The following MAZ variants were observed in gnomAD, a reference collection of about 807,000 sequenced individuals.
MAZ encodes the protein myc-associated zinc finger protein.
In MAZ, 4 loss-of-function variants were observed where a neutral mutation model predicts 32.7. The observed-to-expected ratio is 0.12, with a 90% CI of 0.06 to 0.28. The LOEUF (loss-of-function observed/expected upper bound fraction) is 0.28. Among genes scored for constraint, MAZ ranks in the 10% least tolerant of loss-of-function variants. MAZ has a pLI of 1.00. For missense variants in MAZ, 763 were observed against 667.2 expected (o/e 1.14, Z -1.58); for synonymous variants, 510 against 297.6 (o/e 1.71, Z -7.35).
intron 4 of MAZ, chr16:29,809,835 A>G: frequency 1.0e-6 from 1 of 959,318 alleles, no homozygotes; most frequent in Non-Finnish European, 1.5e-6. Flanking sequence ...AGGGCCCAAT[A>G]GGGGATCTCA....
intron 3 of MAZ, 54 bp downstream of exon 3, chr16:29,808,347 A>G (rs1371805743): frequency 1.9e-6 from 3 of 1,544,048 alleles, no homozygotes; most frequent in Admixed American, 1.7e-5. Flanking sequence ...TCCTCATGGT[A>G]GCTGTCTGAG....
At position 29,807,596 on chromosome 16, in the gene MAZ, T is replaced by A. The variant is rs1489344722; in HGVS notation, c.811T>A (p.Ser271Thr). The A allele has an allele frequency of 6.2e-7, 1 of 1,611,400 alleles. No individual in the cohort carries two copies. Among genetic ancestry groups the A allele is most frequent in the East Asian group, 2.2e-5 (1 of 44,762 alleles). ...CGGTGGCGTGGTGACCACGACCGCC[T>A]CGGGGAAGCGCATCCGGAAGAACCA... ...AAGGVVTTTA[S>T]GKRIRKNHAC... is the part of the protein sequence containing the mutation. The change falls in exon 2 of 5, where the codon TCG (serine) becomes ACG (threonine). Residue 271 changes from serine to threonine, a missense_variant. By Grantham distance (58) the Ser-to-Thr change is moderately conservative (BLOSUM62 1). Transcript: ENST00000322945.
chr16:29,807,000 C>A lies in MAZ; in HGVS notation c.215C>A (p.Thr72Lys). 9.9e-7 allele frequency: 1 copy of A among 1,008,188 alleles called. No individual in the cohort carries two copies. Among genetic ancestry groups the A allele is most frequent in the Non-Finnish European group, 1.2e-6 (1 of 847,612 alleles). The allele number at this position is 1,008,188 out of a possible 1,614,324, so 62.5% of individuals were successfully genotyped here. A position where few individuals can be genotyped will look rare whatever the true frequency, so the allele number is the denominator to read the frequency against. The change falls in exon 2 of 5, where the codon ACG becomes AAG. Residue 72 changes from threonine to lysine, a missense_variant. Coordinates refer to ENST00000322945, the MANE Select transcript of MAZ (RefSeq NM_002383.4). ...PFQAAPAPPP[T>K]PQAPAAEPLQ... is the part of the protein sequence containing the mutation. ...CAGGCCGCGCCGGCGCCCCCGCCCA[C>A]GCCCCAGGCCCCGGCGGCCGAGCCC...
Position 29,806,904 on chromosome 16 carries a change from C to A in MAZ, c.192+11C>A. On this transcript the variant is annotated intron_variant, in intron 1 of 4. Transcript: ENST00000322945. Reference sequence around the variant, plus strand: ...CAGAGTCCATTCCAGGTGAGTAGGGCCGGCCGCGGCGGCCCGGGCTGGGGG... The same window carrying A: ...CAGAGTCCATTCCAGGTGAGTAGGGACGGCCGCGGCGGCCCGGGCTGGGGG... The A allele has an allele frequency of 2.3e-6, 3 of 1,317,750 alleles. No homozygotes were observed. The highest frequency in any genetic ancestry group is 2.9e-6 in the Non-Finnish European group (3 of 1,022,950). The allele number at this position is 1,317,750 out of a possible 1,614,324, so 81.6% of individuals were successfully genotyped here. A position where few individuals can be genotyped will look rare whatever the true frequency, so the allele number is the denominator to read the frequency against.
chr16:29,809,056 C>T (rs890516868), intron 4 of MAZ: 5 of 531,568 alleles, frequency 9.4e-6, no homozygotes, highest in African/African-American at 5.8e-5. Flanking sequence ...GCAAGGTTTC[C>T]GCTGCGCAGC....
chr16:29,810,596 C>G lies in MAZ; in HGVS notation c.*365C>G. 1.5e-6 allele frequency: 1 copy of G among 683,468 alleles called. No individual in the cohort carries two copies. Among genetic ancestry groups the G allele is most frequent in the Non-Finnish European group, 2.7e-6 (1 of 373,156 alleles). The allele number at this position is 683,468 out of a possible 1,614,324, so 42.3% of individuals were successfully genotyped here. ...AGCCTCTTCCCTCGACGGTCCTCTT[C>G]TCTCCTTCCAGTCCTCTCCCCCTGC... is the stretch of plus-strand genomic sequence containing the variant. On this transcript the variant is annotated 3_prime_UTR_variant, in exon 5 of 5. Transcript: ENST00000322945.
chr16:29,806,971 T>G lies in MAZ; in HGVS notation c.193-7T>G, dbSNP rs1899516850. 2 of 1,039,264 alleles carry G rather than the reference T, an allele frequency of 1.9e-6. No individual in the cohort carries two copies. The highest frequency in any genetic ancestry group is 2.3e-6 in the Non-Finnish European group (2 of 869,050). The allele number at this position is 1,039,264 out of a possible 1,614,324, so 64.4% of individuals were successfully genotyped here. A position where few individuals can be genotyped will look rare whatever the true frequency, so the allele number is the denominator to read the frequency against. Reference sequence around the variant, plus strand: ...CCCGCGGCCCACTCGGCGCCTTGTCTCCGCAGGCCGCGCCGGCGCCCCCGC... The same window carrying G: ...CCCGCGGCCCACTCGGCGCCTTGTCGCCGCAGGCCGCGCCGGCGCCCCCGC... On this transcript the variant is annotated splice_polypyrimidine_tract_variant and splice_region_variant and intron_variant, in intron 1 of 4. Coordinates refer to ENST00000322945, the MANE Select transcript of MAZ (RefSeq NM_002383.4).
rs776384645 is a variant in MAZ at position 29,810,176 on chromosome 16, C to CG, written c.1384dup (p.Ala462GlyfsTer70). The CG allele has an allele frequency of 6.2e-7, 1 of 1,609,538 alleles. No homozygotes were observed. Among genetic ancestry groups the CG allele is most frequent in the South Asian group, 1.1e-5 (1 of 90,838 alleles). ...CCTCCCACAGCTGTGGGCTCCCTCT[C>CG]GGGGGCGGAGGGGGTGCCTGTGAGC... is the stretch of plus-strand genomic sequence containing the variant. On this transcript the variant is annotated frameshift_variant, in exon 5 of 5. Coordinates refer to ENST00000322945, the MANE Select transcript of MAZ (RefSeq NM_002383.4). LOFTEE classifies it high-confidence loss of function.
chr16:29,810,243 G>T lies in MAZ; in HGVS notation c.*12G>T, dbSNP rs1034198691. ...CCCAACCCTGGTGAGCTCCAAGTTG[G>T]TTGCGGGGGAGAGGGGAGAATGGAG... On this transcript the variant is annotated 3_prime_UTR_variant, in exon 5 of 5. Transcript: ENST00000322945. The T allele has an allele frequency of 1.3e-5, 20 of 1,576,918 alleles. No individual in the cohort carries two copies. In the Admixed American group the frequency reaches 2.6e-4, roughly 21 times the overall value.
In MAZ at chr16:29,808,474, A is replaced by G. The variant is rs1308075771; in HGVS notation, c.1108-96A>G. ...CATTTCCTACAGATCAAAGATCCCC[A>G]AGGCTCTGATTCCTTTAATCTCTTG... is the stretch of plus-strand genomic sequence containing the variant. On this transcript the variant is annotated intron_variant, in intron 3 of 4. Transcript: ENST00000322945. The G allele has an allele frequency of 9.7e-6, 10 of 1,026,398 alleles. No individual in the cohort carries two copies. In the East Asian group the frequency reaches 1.8e-4, roughly 19 times the overall value. The allele number at this position is 1,026,398 out of a possible 1,614,324, so 63.6% of individuals were successfully genotyped here. A position where few individuals can be genotyped will look rare whatever the true frequency, so the allele number is the denominator to read the frequency against.
intron 4 of MAZ, chr16:29,809,049 A>G (rs771427861): frequency 5.6e-5 from 30 of 537,258 alleles, no homozygotes; most frequent in Admixed American, 2.5e-4. Context: ...TCACAAGGCA[A>G]GGTTTCCGCT....
At chr16:29,809,829 C>T (rs1354800411) in intron 4 of MAZ, 11 of 989,586 alleles carry the variant, frequency 1.1e-5, no homozygotes, top group Admixed American at 3.0e-5. Flanking sequence ...GCTCAAAGGG[C>T]CCAATAGGGG....
rs769828163 is a variant in MAZ at position 29,810,126 on chromosome 16, G to A, written c.1329G>A (p.Ala443=). ...CGGCGGCAGCGGCAGCGGCGGCAGCGGCAGCAGCGGCAGCAGTAGCAGCCC... is the reference window on the plus strand; with the variant it reads ...CGGCGGCAGCGGCAGCGGCGGCAGCAGCAGCAGCGGCAGCAGTAGCAGCCC... ...PMAAAAAAAA[A]AAAAAVAAPP... is the part of the protein sequence containing the mutation. Residue 443 remains alanine (A), a synonymous_variant, in exon 5 of 5, where the codon GCG becomes GCA. Coordinates refer to ENST00000322945, the MANE Select transcript of MAZ (RefSeq NM_002383.4). The A allele has an allele frequency of 8.8e-6, 14 of 1,591,360 alleles. No individual in the cohort carries two copies. Among genetic ancestry groups the A allele is most frequent in the South Asian group, 2.2e-5 (2 of 89,546 alleles).
chr16:29,809,139 C>A lies in MAZ; in HGVS notation c.1279+398C>A, dbSNP rs1446697833. ...GGGCTTTACCAGCACGCACCCTGCA[C>A]GGGTAGCAGAGAAAGCTGCCTTCAG... On this transcript the variant is annotated intron_variant, in intron 4 of 4. Transcript: ENST00000322945. The A allele has an allele frequency of 6.0e-6, 3 of 497,282 alleles. No individual in the cohort carries two copies. In the South Asian group the frequency reaches 8.9e-5, roughly 15 times the overall value. The allele number at this position is 497,282 out of a possible 1,614,324, so 30.8% of individuals were successfully genotyped here.
At chr16:29,809,393 C>A in intron 4 of MAZ, 1 of 637,772 alleles carries the variant, frequency 1.6e-6, no homozygotes, top group Non-Finnish European at 2.8e-6. Flanking sequence ...CCAGCCCCAA[C>A]AGAGCAGTTG....
At chr16:29,809,505 T>TG in intron 4 of MAZ, 6 of 1,367,248 alleles carry the variant, frequency 4.4e-6, no homozygotes, top group Non-Finnish European at 6.2e-6. Context: ...TCCGCCTGGC[T>TG]GACCCCCGCC....
intron 4 of MAZ, chr16:29,809,014 T>TA: frequency 1.8e-6 from 1 of 544,542 alleles, no homozygotes; most frequent in Non-Finnish European, 3.2e-6. Context: ...GGGGAAGGAG[T>TA]AGTCAAGAAA....
intron 4 of MAZ, chr16:29,809,474 A>C: frequency 3.0e-6 from 3 of 991,110 alleles, no homozygotes; most frequent in Non-Finnish European, 4.7e-6. Context: ...CGCCTAGGAG[A>C]TCAGCCCCGT....
At chr16:29,809,872 C>A in intron 4 of MAZ, 2 of 1,036,302 alleles carry the variant, frequency 1.9e-6, no homozygotes, top group African/African-American at 1.6e-5. Flanking sequence ...CCATGTACCA[C>A]TCAGGCTAGG....
Sources: allele counts gnomAD v4.1 joint callset, GRCh38; gene constraint gnomAD v4.1.1; transcripts MANE v1.5; gene names NCBI Gene and HGNC (gene_info 2026-07-23, HGNC 2026-07-21).